The following KCNT2 variants were observed in gnomAD, a reference collection of about 807,000 sequenced individuals.
The protein encoded by KCNT2 is potassium channel subfamily T member 2.
KCNT2 carries 67 observed loss-of-function variants against 153.8 expected under a neutral mutation model. The ratio of observed to expected loss-of-function variants is 0.44; its 90% CI spans 0.36 to 0.53. The LOEUF (loss-of-function observed/expected upper bound fraction) is 0.53, where lower values mean the gene tolerates loss of function less well. KCNT2 is among the 20% of genes least tolerant of loss of function. KCNT2 has a pLI of 0.00. For missense variants in KCNT2, 975 were observed against 1,354.8 expected, an observed-to-expected ratio of 0.72 and a Z score of 4.40; for synonymous variants, 500 against 458.8, an observed-to-expected ratio of 1.09 and a Z score of -1.15.
chr1:196,469,582 T>C (rs1677913276), intron 5 of KCNT2, among the ~76,000 whole-genome samples: 1 of 152,114 alleles, frequency 6.6e-6, no homozygotes, highest in African/African-American at 2.4e-5. Context: ...TACAAACATA[T>C]TAAACAGGAC....
At chr1:196,479,993 T>A (rs1177562163) in intron 4 of KCNT2, among the ~76,000 whole-genome samples, 4 of 152,246 alleles carry the variant, frequency 2.6e-5, no homozygotes, top group Non-Finnish European at 5.9e-5. Context: ...CCAATTCCCC[T>A]TGTGCAGATA....
intron 1 of KCNT2, among the ~76,000 whole-genome samples, chr1:196,546,451 T>C (rs1203087611): frequency 6.6e-6 from 1 of 152,052 alleles, no homozygotes; most frequent in African/African-American, 2.4e-5. Flanking sequence ...CAATTTGACA[T>C]TTATATTATC....
At chr1:196,366,716 A>G (rs1668075299) in intron 14 of KCNT2, among the ~76,000 whole-genome samples, 1 of 152,116 alleles carries the variant, frequency 6.6e-6, no homozygotes, top group African/African-American at 2.4e-5. Flanking sequence ...TACTGCCAGC[A>G]GAAATATTTG....
At chr1:196,337,980 T>C (rs1278885157) in intron 16 of KCNT2, among the ~76,000 whole-genome samples, 1 of 152,110 alleles carries the variant, frequency 6.6e-6, no homozygotes, top group Non-Finnish European at 1.5e-5. Flanking sequence ...CGAGAGTTCT[T>C]GGTACATATT....
At chr1:196,442,976 TA>T (rs1164667715) in intron 8 of KCNT2, among the ~76,000 whole-genome samples, 1 of 151,618 alleles carries the variant, frequency 6.6e-6, no homozygotes, top group East Asian at 2.0e-4. Context: ...GCTCTTGCTA[TA>T]AAGAGGTTAT....
chr1:196,398,165 A>G (rs1302116138), intron 13 of KCNT2, among the ~76,000 whole-genome samples: 2 of 151,460 alleles, frequency 1.3e-5, no homozygotes, highest in African/African-American at 4.8e-5. Context: ...TTGCATGGTA[A>G]GCCTATGTGT....
At chr1:196,551,316 T>A (rs1657871044) in intron 1 of KCNT2, among the ~76,000 whole-genome samples, 1 of 151,834 alleles carries the variant, frequency 6.6e-6, no homozygotes, top group Non-Finnish European at 1.5e-5. Flanking sequence ...ATATTTGGAA[T>A]TGCTTGTGTG....
At chr1:196,247,312 A>G (rs1655544169) in intron 26 of KCNT2, among the ~76,000 whole-genome samples, 2 of 152,214 alleles carry the variant, frequency 1.3e-5, no homozygotes, top group African/African-American at 4.8e-5. Flanking sequence ...AAGGAGAGAT[A>G]GACTCCAACA....
chr1:196,366,381 A>G (rs978693543), intron 14 of KCNT2, among the ~76,000 whole-genome samples: 5 of 151,910 alleles, frequency 3.3e-5, no homozygotes, highest in African/African-American at 1.2e-4. Flanking sequence ...CCAGGCTCAA[A>G]TGCCTGAACC....
At position 196,510,349 on chromosome 1, in the gene KCNT2, G is replaced by A. The variant is rs142903575; in HGVS notation, c.96-18008C>T. Among the ~76,000 whole-genome samples the A allele has an allele frequency of 8.8e-3, 1,334 of 152,140 alleles. 16 individuals carry two copies. The highest frequency in any genetic ancestry group is 0.03 in the African/African-American group (1,265 of 41,518). On this transcript the variant is annotated intron_variant, in intron 1 of 27. Transcript: ENST00000294725. ...CCATTATACAGATTAGGGGACTGAG[G>A]CATTTGCCCAAAGTTGTACAAATCA... is the stretch of plus-strand genomic sequence containing the variant.
chr1:196,392,985 C>G lies in KCNT2; in HGVS notation c.1294+5578G>C, dbSNP rs187419949. Among the ~76,000 whole-genome samples the G allele has an allele frequency of 2.0e-5, 3 of 151,388 alleles. No homozygotes were observed. The East Asian group carries it at 5.8e-4, about 29-fold the overall frequency. Reference sequence around the variant, plus strand: ...CATTCTTCTAGGCAGGTTTGAATTGCGAAGTACAAAGTATTTCATTCAGTC... The same window carrying G: ...CATTCTTCTAGGCAGGTTTGAATTGGGAAGTACAAAGTATTTCATTCAGTC... On this transcript the variant is annotated intron_variant, in intron 13 of 27. Coordinates refer to ENST00000294725, the MANE Select transcript of KCNT2 (RefSeq NM_198503.5).
intron 12 of KCNT2, among the ~76,000 whole-genome samples, chr1:196,413,166 A>G (rs1189960934): frequency 1.3e-5 from 2 of 151,632 alleles, no homozygotes; most frequent in African/African-American, 4.8e-5. Flanking sequence ...TCAAATGTGT[A>G]TGCCATTTGA....
intron 8 of KCNT2, 63 bp downstream of exon 8, chr1:196,465,230 G>T: frequency 3.5e-6 from 3 of 847,332 alleles, no homozygotes; most frequent in South Asian, 1.7e-5. Flanking sequence ...TTTATAATAT[G>T]GTTTCCTTTA....
intron 1 of KCNT2, among the ~76,000 whole-genome samples, chr1:196,505,545 T>C (rs1681062083): frequency 6.6e-6 from 1 of 151,810 alleles, no homozygotes; most frequent in Admixed American, 6.6e-5. Context: ...TCTTTTGGCT[T>C]AGGATTGACT....
intron 26 of KCNT2, among the ~76,000 whole-genome samples, chr1:196,250,947 T>G (rs1292099515): frequency 6.6e-6 from 1 of 152,038 alleles, no homozygotes; most frequent in East Asian, 1.9e-4. Flanking sequence ...AATTAAATGC[T>G]TTCATCCAAA....
intron 1 of KCNT2, among the ~76,000 whole-genome samples, chr1:196,544,084 A>G (rs566809627): frequency 1.3e-5 from 2 of 152,262 alleles, no homozygotes; most frequent in Admixed American, 6.5e-5. Flanking sequence ...ACGCACAGCA[A>G]CAACTGAAGT....
At chr1:196,234,695 A>G (rs1307838021) in intron 27 of KCNT2, among the ~76,000 whole-genome samples, 10 of 151,446 alleles carry the variant, frequency 6.6e-5, no homozygotes, top group Non-Finnish European at 1.5e-4. Context: ...AAAATTTTGC[A>G]TATTATTACA....
intron 8 of KCNT2, among the ~76,000 whole-genome samples, chr1:196,463,452 T>C (rs918913504): frequency 1.3e-5 from 2 of 151,772 alleles, no homozygotes; most frequent in African/African-American, 4.8e-5. Flanking sequence ...GAATATATTA[T>C]GATACATGTG....
At chr1:196,371,877 C>A (rs1345495522) in intron 14 of KCNT2, among the ~76,000 whole-genome samples, 1 of 151,974 alleles carries the variant, frequency 6.6e-6, no homozygotes, top group Non-Finnish European at 1.5e-5. Context: ...CTCATGTATA[C>A]AACAATGAAG....
Sources: allele counts gnomAD v4.1 joint callset (sites outside exome capture counted in the v4.1 genomes callset), GRCh38; gene constraint gnomAD v4.1.1; transcripts MANE v1.5; gene names NCBI Gene and HGNC (gene_info 2026-07-23, HGNC 2026-07-21).